THOC5: variants seen among roughly 807,000 people sequenced by gnomAD.
THOC5 encodes the protein THO complex subunit 5.
In THOC5, 43 loss-of-function variants were observed where a neutral mutation model predicts 92.9. The observed-to-expected ratio is 0.46, with a 90% CI of 0.36 to 0.60. The LOEUF is 0.60. THOC5 is among the 20% of genes least tolerant of loss of function. THOC5 has a pLI of 0.00. For synonymous variants in THOC5, 296 were observed against 320.1 expected, an observed-to-expected ratio of 0.92 and a Z score of 0.80; for missense variants, 659 against 849.4, an observed-to-expected ratio of 0.78 and a Z score of 2.79.
At chr22:29,513,711 T>C (rs2063273976) in intron 17 of THOC5, among the ~76,000 whole-genome samples, 2 of 151,260 alleles carry the variant, frequency 1.3e-5, no homozygotes, top group African/African-American at 4.9e-5. Flanking sequence ...TAAAAAGTGC[T>C]TTCTGGCCAG....
intron 17 of THOC5, 31 bp from the exon 18 acceptor site, chr22:29,512,167 A>G: frequency 4.4e-6 from 7 of 1,584,954 alleles, no homozygotes; most frequent in Non-Finnish European, 5.2e-6. Context: ...GGAAATGCGC[A>G]GTTCTAAGAC....
chr22:29,512,213 C>A, intron 17 of THOC5, 77 bp from the exon 18 acceptor site: 1 of 1,116,762 alleles, frequency 9.0e-7, no homozygotes, highest in East Asian at 2.4e-5. Context: ...CCCACTGCAC[C>A]CCTGAGGCTA....
chr22:29,518,639 A>G (rs1181697238), intron 15 of THOC5, among the ~76,000 whole-genome samples: 1 of 152,234 alleles, frequency 6.6e-6, no homozygotes, highest in Non-Finnish European at 1.5e-5. Context: ...TTCTTCCCCC[A>G]GCACTATGCT....
intron 7 of THOC5, among the ~76,000 whole-genome samples, chr22:29,533,060 G>A (rs1484831314): frequency 6.6e-6 from 1 of 152,168 alleles, no homozygotes; most frequent in East Asian, 1.9e-4. Context: ...TCTAAAATAA[G>A]TGGATACATG....
intron 17 of THOC5, among the ~76,000 whole-genome samples, chr22:29,515,701 C>T (rs185197118): frequency 6.5e-4 from 98 of 149,832 alleles, no homozygotes; most frequent in Non-Finnish European, 1.2e-3. Context: ...CATGGTGGTG[C>T]ACATTTGTAG....
At chr22:29,541,893 AATATATATATATAT>A (rs55924406) in intron 5 of THOC5, among the ~76,000 whole-genome samples, 1 of 74,172 alleles carries the variant, frequency 1.3e-5, no homozygotes. Context: ...AAAAAAAAAA[AATATATATATATAT>A]ATATATATAT....
chr22:29,543,236 T>G (rs1216284861), intron 4 of THOC5, among the ~76,000 whole-genome samples, 193 bp downstream of exon 4: 1 of 150,174 alleles, frequency 6.7e-6, no homozygotes, highest in Non-Finnish European at 1.5e-5. Flanking sequence ...TAATCCCAGC[T>G]ACTTAGGAGG....
At chr22:29,516,148 A>G (rs2063328217) in intron 17 of THOC5, among the ~76,000 whole-genome samples, 1 of 37,806 alleles carries the variant, frequency 2.6e-5, no homozygotes, top group East Asian at 2.8e-3. Flanking sequence ...ATCTCTACTG[A>G]AAAAAAAAAA....
In THOC5 at chr22:29,528,473, C is replaced by T. The variant is rs763710916; in HGVS notation, c.926-7G>A. 9.3e-6 allele frequency: 15 copies of T among 1,612,910 alleles called. No homozygotes were observed. Among genetic ancestry groups the T allele is most frequent in the Non-Finnish European group, 1.1e-5 (13 of 1,180,022 alleles). On this transcript the variant is annotated splice_region_variant and splice_polypyrimidine_tract_variant and intron_variant, in intron 9 of 19. Coordinates refer to ENST00000490103, the MANE Select transcript of THOC5 (RefSeq NM_003678.5). ...TCTGAGTCACTCTCGTCATCTGCAGCCACAGAGAGAAGGCAGCTAGAGGTG... is the reference window on the plus strand; with the variant it reads ...TCTGAGTCACTCTCGTCATCTGCAGTCACAGAGAGAAGGCAGCTAGAGGTG...
chr22:29,529,316 G>T, intron 8 of THOC5, 77 bp from the exon 9 acceptor site: 3 of 1,471,618 alleles, frequency 2.0e-6, no homozygotes, highest in Non-Finnish European at 1.9e-6. Flanking sequence ...CAGCTCTGGG[G>T]CTGCATTTCT....
chr22:29,536,804 C>A, intron 6 of THOC5, 66 bp from the exon 7 acceptor site: 1 of 871,522 alleles, frequency 1.1e-6, no homozygotes, highest in Non-Finnish European at 2.0e-6. Flanking sequence ...TGCCTGTTCA[C>A]TGTCAGACTC....
intron 17 of THOC5, among the ~76,000 whole-genome samples, chr22:29,514,562 C>T (rs139165468): frequency 0.021 from 3,215 of 151,918 alleles, 129 homozygotes; most frequent in African/African-American, 0.073. Context: ...GTGATCCGCC[C>T]GCCTCGGCTT....
At chr22:29,545,124 C>CG (rs1302418001) in intron 2 of THOC5, 1 of 418,254 alleles carries the variant, frequency 2.4e-6, no homozygotes, top group Non-Finnish European at 4.7e-6. Flanking sequence ...TCTTATGTGG[C>CG]GGCGGCAAGA....
chr22:29,528,503 G>A, intron 9 of THOC5, 37 bp from the exon 10 acceptor site: 1 of 1,609,280 alleles, frequency 6.2e-7, no homozygotes, highest in East Asian at 2.2e-5. Flanking sequence ...GAGGTGAGGG[G>A]GCTCCAAATG....
At chr22:29,546,897 A>G (rs1355570521) in intron 2 of THOC5, among the ~76,000 whole-genome samples, 2 of 149,596 alleles carry the variant, frequency 1.3e-5, no homozygotes, top group African/African-American at 4.9e-5. Flanking sequence ...CTGGAGTGCA[A>G]TGGCGCAATC....
At chr22:29,531,035 G>C in intron 8 of THOC5, 2 of 1,072,252 alleles carry the variant, frequency 1.9e-6, no homozygotes, top group Non-Finnish European at 1.2e-6. Flanking sequence ...CATCAGAATG[G>C]AACAGGCCGA....
intron 1 of THOC5, among the ~76,000 whole-genome samples, chr22:29,552,385 C>G (rs2064175408): frequency 6.6e-6 from 1 of 151,658 alleles, no homozygotes; most frequent in South Asian, 2.1e-4. Context: ...TGGGGAGCAC[C>G]TCTGCCCCGC....
At chr22:29,531,777 G>C (rs2146508405) in intron 8 of THOC5, 54 bp downstream of exon 8, 1 of 1,579,272 alleles carries the variant, frequency 6.3e-7, no homozygotes, top group Non-Finnish European at 8.6e-7. Flanking sequence ...TGATTCACTC[G>C]GCCACAGCTG....
chr22:29,541,677 C>T (rs1245529306), intron 5 of THOC5, among the ~76,000 whole-genome samples: 7 of 149,294 alleles, frequency 4.7e-5, no homozygotes, highest in African/African-American at 1.5e-4. Flanking sequence ...CTGGCTAACA[C>T]GGTGAAACCC....
Sources: allele counts gnomAD v4.1 joint callset (sites outside exome capture counted in the v4.1 genomes callset), GRCh38; gene constraint gnomAD v4.1.1; transcripts MANE v1.5; gene names NCBI Gene and HGNC (gene_info 2026-07-23, HGNC 2026-07-21).